The following SCAPER variants were observed in gnomAD, a reference collection of about 807,000 sequenced individuals.
SCAPER encodes S phase cyclin A-associated protein in the endoplasmic reticulum.
Under a neutral mutation model 182.2 loss-of-function variants are expected in SCAPER, and 98 were observed. The ratio of observed to expected loss-of-function variants is 0.54; its 90% confidence interval spans 0.46 to 0.64. The LOEUF is 0.64. Among genes scored for constraint, SCAPER ranks in the 30% least tolerant of loss-of-function variants. The pLI is 0.00. For missense variants in SCAPER, 1,432 were observed against 1,690.0 expected (o/e 0.85, Z 2.68); for synonymous variants, 605 against 564.6 (o/e 1.07, Z -1.01).
At chr15:76,704,002 T>TA (rs771011280) in intron 18 of SCAPER, among the ~76,000 whole-genome samples, 1 of 152,196 alleles carries the variant, frequency 6.6e-6, no homozygotes, top group Non-Finnish European at 1.5e-5. Flanking sequence ...TTCATACTGT[T>TA]AGAGACTGCC....
intron 26 of SCAPER, among the ~76,000 whole-genome samples, chr15:76,409,478 A>G (rs1567079548): frequency 6.6e-6 from 1 of 152,104 alleles, no homozygotes; most frequent in African/African-American, 2.4e-5. Context: ...ACAGAAAGGG[A>G]TATTTAGAAA....
chr15:76,870,659 ATTAG>A (rs1235442824), intron 2 of SCAPER, among the ~76,000 whole-genome samples: 7 of 152,066 alleles, frequency 4.6e-5, no homozygotes, highest in Admixed American at 2.6e-4. Context: ...AAATTAGTGA[ATTAG>A]TTAGACTAAA....
At position 76,375,701 on chromosome 15, in the gene SCAPER, G is replaced by T. The variant is rs555762502; in HGVS notation, c.3855+461C>A. 7.6e-4 allele frequency among the ~76,000 whole-genome samples: 116 copies of T among 152,254 alleles called. 1 individual carries two copies. Among genetic ancestry groups the T allele is most frequent in the African/African-American group, 2.7e-3 (113 of 41,560 alleles). ...GTTCTTATCAAATCTATTTGAAGAGGGCCAGGTGTGATGGCTTATGCCTGT... is the reference window on the plus strand; with the variant it reads ...GTTCTTATCAAATCTATTTGAAGAGTGCCAGGTGTGATGGCTTATGCCTGT... On this transcript the variant is annotated intron_variant, in intron 29 of 31. Transcript: ENST00000563290.
At chr15:76,365,201 G>T (rs1199280876) in intron 29 of SCAPER, among the ~76,000 whole-genome samples, 1 of 152,182 alleles carries the variant, frequency 6.6e-6, no homozygotes, top group East Asian at 1.9e-4. Flanking sequence ...ACAAGGATTG[G>T]GTTGTGTTCA....
At chr15:76,714,325 A>G (rs1262462679) in intron 17 of SCAPER, among the ~76,000 whole-genome samples, 3 of 152,184 alleles carry the variant, frequency 2.0e-5, no homozygotes, top group East Asian at 3.8e-4. Flanking sequence ...TTATACCACA[A>G]TAAAGTTGTG....
At chr15:76,858,525 C>T (rs181890024) in intron 3 of SCAPER, among the ~76,000 whole-genome samples, 6 of 151,826 alleles carry the variant, frequency 4.0e-5, no homozygotes, top group East Asian at 3.9e-4. Context: ...AGGCAAATTA[C>T]GTTTCACAGG....
intron 26 of SCAPER, among the ~76,000 whole-genome samples, chr15:76,421,903 G>C (rs573131368): frequency 5.9e-5 from 9 of 152,188 alleles, no homozygotes; most frequent in South Asian, 4.2e-4. Context: ...GCTTGTTTTT[G>C]TCAGGTTTGT....
intron 21 of SCAPER, among the ~76,000 whole-genome samples, chr15:76,664,736 C>A (rs1048383062): frequency 6.6e-6 from 1 of 152,130 alleles, no homozygotes; most frequent in Non-Finnish European, 1.5e-5. Context: ...CTAAAATACA[C>A]CGTAAAACTA....
At chr15:76,500,404 A>T (rs917601339) in intron 24 of SCAPER, among the ~76,000 whole-genome samples, 3 of 152,216 alleles carry the variant, frequency 2.0e-5, no homozygotes, top group African/African-American at 7.2e-5. Flanking sequence ...AGTAAGTAAA[A>T]GACAACCTGG....
intron 11 of SCAPER, among the ~76,000 whole-genome samples, chr15:76,766,287 G>A (rs2063113095): frequency 6.6e-6 from 1 of 151,934 alleles, no homozygotes; most frequent in African/African-American, 2.4e-5. Flanking sequence ...AGTAGAGATG[G>A]GGTTTCATCA....
chr15:76,611,302 T>A (rs989615894), intron 22 of SCAPER, among the ~76,000 whole-genome samples: 2 of 151,998 alleles, frequency 1.3e-5, no homozygotes, highest in Non-Finnish European at 2.9e-5. Flanking sequence ...TATAAAAGTC[T>A]TAGAAGAAAA....
intron 23 of SCAPER, among the ~76,000 whole-genome samples, chr15:76,524,464 T>C (rs1241106700): frequency 6.6e-6 from 1 of 152,104 alleles, no homozygotes; most frequent in African/African-American, 2.4e-5. Flanking sequence ...TTACTAGACA[T>C]TTATGGATGA....
At chr15:76,532,046 A>G (rs1223958538) in intron 23 of SCAPER, among the ~76,000 whole-genome samples, 3 of 152,148 alleles carry the variant, frequency 2.0e-5, no homozygotes, top group Non-Finnish European at 4.4e-5. Flanking sequence ...AAAATAGTAG[A>G]CTTTATATAT....
At chr15:76,750,169 T>C (rs1362065173) in intron 15 of SCAPER, among the ~76,000 whole-genome samples, 2 of 147,060 alleles carry the variant, frequency 1.4e-5, no homozygotes, top group South Asian at 2.1e-4. Flanking sequence ...ACAGTACATA[T>C]CCATATGAAA....
chr15:76,510,888 T>TGC (rs934891709), intron 23 of SCAPER, among the ~76,000 whole-genome samples: 1,441 of 141,198 alleles, frequency 0.01, 24 homozygotes, highest in African/African-American at 0.036. Flanking sequence ...TGTGTGTGTG[T>TGC]GCGCGCGCGC....
chr15:76,536,522 C>G lies in SCAPER; in HGVS notation c.2839-31548G>C, dbSNP rs113938846. ...ATGAGACAATATTACAAAAGTGTTA[C>G]AAGAGAATAAATGCTAGGGTATTTT... is the stretch of plus-strand genomic sequence containing the variant. On this transcript the variant is annotated intron_variant, in intron 23 of 31. Coordinates refer to ENST00000563290, the MANE Select transcript of SCAPER (RefSeq NM_020843.4). Among the ~76,000 whole-genome samples, 254 of 152,194 alleles carry G rather than the reference C, an allele frequency of 1.7e-3. 2 individuals are homozygous for G. Among genetic ancestry groups the G allele is most frequent in the Middle Eastern group, 0.014 (4 of 290 alleles).
intron 27 of SCAPER, among the ~76,000 whole-genome samples, chr15:76,398,498 A>G (rs760058616): frequency 6.6e-6 from 1 of 152,242 alleles, no homozygotes; most frequent in African/African-American, 2.4e-5. Flanking sequence ...TATTTGTTCA[A>G]TGAATGAATA....
intron 26 of SCAPER, among the ~76,000 whole-genome samples, chr15:76,422,873 A>G (rs2046147487): frequency 6.6e-6 from 1 of 152,176 alleles, no homozygotes; most frequent in African/African-American, 2.4e-5. Context: ...ATCTGTTGAG[A>G]TAATCATGTG....
chr15:76,462,617 T>G (rs1013837981), intron 25 of SCAPER, among the ~76,000 whole-genome samples: 4 of 152,198 alleles, frequency 2.6e-5, no homozygotes, highest in Admixed American at 2.0e-4. Context: ...GTGACATATT[T>G]TTTACACTGA....
Sources: allele counts gnomAD v4.1 joint callset (sites outside exome capture counted in the v4.1 genomes callset), GRCh38; gene constraint gnomAD v4.1.1; transcripts MANE v1.5; gene names NCBI Gene and HGNC (gene_info 2026-07-23, HGNC 2026-07-21).